The following PEBP4 variants were observed in gnomAD, a reference collection of about 807,000 sequenced individuals.
The protein encoded by PEBP4 is phosphatidylethanolamine-binding protein 4.
Under a neutral mutation model 23.9 loss-of-function variants are expected in PEBP4, and 22 were observed. That is an observed-to-expected ratio of 0.92 (90% CI 0.66 to 1.31). PEBP4 has a LOEUF of 1.31. Among genes scored for constraint, PEBP4 ranks in the 40% most tolerant of loss-of-function variants. The pLI, the probability that PEBP4 is intolerant of heterozygous loss-of-function variation, is 0.00. For synonymous variants in PEBP4, 112 were observed against 99.3 expected, an observed-to-expected ratio of 1.13 and a Z score of -0.76; for missense variants, 324 against 281.7, an observed-to-expected ratio of 1.15 and a Z score of -1.07.
At chr8:22,863,237 T>A (rs1033892238) in intron 3 of PEBP4, among the ~76,000 whole-genome samples, 1 of 152,100 alleles carries the variant, frequency 6.6e-6, no homozygotes, top group South Asian at 2.1e-4. Flanking sequence ...GCTGCCCCAG[T>A]AGACAAAGCT....
chr8:22,748,267 G>C (rs114553409), intron 4 of PEBP4, among the ~76,000 whole-genome samples: 3 of 152,098 alleles, frequency 2.0e-5, no homozygotes, highest in Non-Finnish European at 4.4e-5. Flanking sequence ...GCTGAGGTTG[G>C]ATGGACCATT....
intron 4 of PEBP4, among the ~76,000 whole-genome samples, chr8:22,785,864 A>G (rs573819883): frequency 3.3e-5 from 5 of 152,248 alleles, no homozygotes; most frequent in African/African-American, 1.2e-4. Context: ...CCTCCTGGAG[A>G]CAACGGGGCT....
intron 2 of PEBP4, among the ~76,000 whole-genome samples, chr8:22,926,718 A>G (rs867133509): frequency 1.3e-5 from 2 of 152,278 alleles, no homozygotes; most frequent in Middle Eastern, 3.2e-3. Flanking sequence ...TTCTAAAAGT[A>G]ATGTTTGTCA....
At chr8:22,791,493 C>G (rs116904101) in intron 4 of PEBP4, among the ~76,000 whole-genome samples, 1 of 152,096 alleles carries the variant, frequency 6.6e-6, no homozygotes, top group Non-Finnish European at 1.5e-5. Context: ...AGGGTGCGAT[C>G]GACTACCGAG....
chr8:22,878,888 G>T (rs1255789661), intron 3 of PEBP4, among the ~76,000 whole-genome samples: 1 of 152,210 alleles, frequency 6.6e-6, no homozygotes, highest in African/African-American at 2.4e-5. Flanking sequence ...AGGGCATCCA[G>T]AATGATGTTG....
intron 3 of PEBP4, among the ~76,000 whole-genome samples, chr8:22,917,903 T>G (rs1465359763): frequency 6.6e-6 from 1 of 152,114 alleles, no homozygotes; most frequent in African/African-American, 2.4e-5. Flanking sequence ...AAGGGAAGAC[T>G]CTATTTACAA....
upstream of PEBP4, among the ~76,000 whole-genome samples, chr8:22,931,573 A>AG (rs763980849): frequency 4.0e-4 from 33 of 83,358 alleles, no homozygotes; most frequent in Admixed American, 5.6e-4. Flanking sequence ...AAATTCAAGC[A>AG]GTTTTTTTTG....
chr8:22,855,079 T>G (rs2128767733), intron 3 of PEBP4, among the ~76,000 whole-genome samples: 1 of 151,810 alleles, frequency 6.6e-6, no homozygotes, highest in East Asian at 2.0e-4. Context: ...TTTTAAACCC[T>G]GGAAGACGTA....
intron 4 of PEBP4, among the ~76,000 whole-genome samples, chr8:22,737,530 C>A (rs1231967466): frequency 6.6e-6 from 1 of 151,954 alleles, no homozygotes; most frequent in East Asian, 1.9e-4. Flanking sequence ...GTGCAGGATC[C>A]CCCCACTCCC....
intron 3 of PEBP4, chr8:22,885,143 C>T (rs1253367095): frequency 6.6e-6 from 1 of 152,120 alleles, no homozygotes; most frequent in African/African-American, 2.4e-5. Context: ...ATTACCCGGC[C>T]CCAGGAGATG....
At chr8:22,765,014 C>T (rs556038023) in intron 4 of PEBP4, among the ~76,000 whole-genome samples, 4 of 152,196 alleles carry the variant, frequency 2.6e-5, no homozygotes, top group East Asian at 3.9e-4. Flanking sequence ...TCCTGCAAAT[C>T]GCGGTTCTGC....
intron 3 of PEBP4, among the ~76,000 whole-genome samples, chr8:22,821,575 A>G (rs1205611520): frequency 6.6e-6 from 1 of 152,182 alleles, no homozygotes; most frequent in Non-Finnish European, 1.5e-5. Context: ...CTCTCTCAAG[A>G]CTTGGCAAAT....
chr8:22,884,549 G>C (rs1738186476), intron 3 of PEBP4: 1 of 152,218 alleles, frequency 6.6e-6, no homozygotes, highest in South Asian at 2.1e-4. Flanking sequence ...GGGAAGAGCT[G>C]GTTGACAAGA....
intron 3 of PEBP4, among the ~76,000 whole-genome samples, chr8:22,854,585 C>A (rs949897914): frequency 5.3e-5 from 8 of 152,060 alleles, no homozygotes; most frequent in Non-Finnish European, 1.2e-4. Context: ...AATGAGGGAG[C>A]AAAGGAGTTA....
chr8:22,864,667 G>A (rs2128769262), intron 3 of PEBP4, among the ~76,000 whole-genome samples: 1 of 152,338 alleles, frequency 6.6e-6, no homozygotes, highest in Non-Finnish European at 1.5e-5. Flanking sequence ...CGCTGCAGAT[G>A]GAAGCTGCTC....
chr8:22,786,899 C>A (rs1240342905), intron 4 of PEBP4, among the ~76,000 whole-genome samples: 1 of 151,946 alleles, frequency 6.6e-6, no homozygotes, highest in African/African-American at 2.4e-5. Flanking sequence ...CGGCTCACTG[C>A]AGCATCAACC....
intron 3 of PEBP4, among the ~76,000 whole-genome samples, chr8:22,873,124 A>G (rs537843265): frequency 1.1e-3 from 161 of 152,352 alleles, no homozygotes; most frequent in African/African-American, 3.7e-3. Flanking sequence ...GTGAGTATAA[A>G]GAGAAAGGGG....
chr8:22,774,120 G>A (rs1384343635), intron 4 of PEBP4, among the ~76,000 whole-genome samples: 4 of 152,210 alleles, frequency 2.6e-5, no homozygotes, highest in Admixed American at 6.5e-5. Context: ...GTGCTCTGTC[G>A]ATCACAGCAT....
chr8:22,770,227 G>A (rs1805690165), intron 4 of PEBP4, among the ~76,000 whole-genome samples: 1 of 152,210 alleles, frequency 6.6e-6, no homozygotes, highest in African/African-American at 2.4e-5. Flanking sequence ...CTGGGTCAGT[G>A]GCTTGGTGGG....
Sources: allele counts gnomAD v4.1 joint callset (sites outside exome capture counted in the v4.1 genomes callset), GRCh38; gene constraint gnomAD v4.1.1; transcripts MANE v1.5; gene names NCBI Gene and HGNC (gene_info 2026-07-23, HGNC 2026-07-21).